The following NFIA variants were observed in gnomAD, a reference collection of about 807,000 sequenced individuals.
The protein encoded by NFIA is nuclear factor I A.
NFIA carries 8 observed loss-of-function variants against 62.8 expected under a neutral mutation model. That is an observed-to-expected ratio of 0.13 (90% confidence interval 0.07 to 0.23). NFIA has a LOEUF of 0.23. Among genes scored for constraint, NFIA ranks in the 10% least tolerant of loss-of-function variants. NFIA has a pLI of 1.00. For synonymous variants in NFIA, 235 were observed against 238.1 expected, an observed-to-expected ratio of 0.99 and a Z score of 0.12; for missense variants, 410 against 642.1, an observed-to-expected ratio of 0.64 and a Z score of 3.91.
At chr1:61,085,692 TC>T (rs1646206762) in intron 1 of NFIA, among the ~76,000 whole-genome samples, 6 of 152,238 alleles carry the variant, frequency 3.9e-5, no homozygotes, top group Admixed American at 2.6e-4. Flanking sequence ...TTAGAAAAAA[TC>T]AATACTTTAA....
chr1:61,096,168 G>A (rs899907167), intron 2 of NFIA, among the ~76,000 whole-genome samples: 3 of 152,096 alleles, frequency 2.0e-5, no homozygotes, highest in African/African-American at 7.2e-5. Context: ...AGATGGACAT[G>A]TTTCAATTTC....
intron 1 of NFIA, among the ~76,000 whole-genome samples, chr1:61,087,457 T>C (rs1252358304): frequency 6.6e-6 from 1 of 152,150 alleles, no homozygotes; most frequent in East Asian, 1.9e-4. Flanking sequence ...TCTTTTATTT[T>C]AGCCTAATAA....
chr1:61,197,362 C>T (rs1652101136), intron 2 of NFIA, among the ~76,000 whole-genome samples: 1 of 151,094 alleles, frequency 6.6e-6, no homozygotes, highest in Non-Finnish European at 1.5e-5. Context: ...CCTCAGCCTC[C>T]TGAGTAGCTG....
At chr1:61,442,829 T>TTA in intron 10 of NFIA, among the ~76,000 whole-genome samples, 1 of 152,308 alleles carries the variant, frequency 6.6e-6, no homozygotes, top group South Asian at 2.1e-4. Context: ...GCTGAGAAAC[T>TTA]TAAGATTGTA....
intron 4 of NFIA, among the ~76,000 whole-genome samples, chr1:61,341,457 A>G (rs911999908): frequency 7.2e-5 from 11 of 152,110 alleles, no homozygotes; most frequent in Non-Finnish European, 1.5e-4. Flanking sequence ...GAAGCATGCT[A>G]CAGGTCATTA....
At chr1:61,336,855 A>G (rs1661637821) in intron 4 of NFIA, among the ~76,000 whole-genome samples, 2 of 152,240 alleles carry the variant, frequency 1.3e-5, no homozygotes, top group Admixed American at 6.5e-5. Flanking sequence ...GACTACTTAC[A>G]TGGGCTGAAA....
At chr1:61,295,630 A>G (rs1056265545) in intron 3 of NFIA, among the ~76,000 whole-genome samples, 1 of 152,106 alleles carries the variant, frequency 6.6e-6, no homozygotes, top group African/African-American at 2.4e-5. Flanking sequence ...GAACAGAAAC[A>G]CTTACTAATT....
chr1:61,284,450 CTG>C (rs1439978925), intron 3 of NFIA, among the ~76,000 whole-genome samples: 1 of 152,078 alleles, frequency 6.6e-6, no homozygotes, highest in African/African-American at 2.4e-5. Context: ...GAGTCTTTCT[CTG>C]TGAAAGATGA....
At chr1:61,358,432 G>C (rs1431866160) in intron 5 of NFIA, among the ~76,000 whole-genome samples, 2 of 122,092 alleles carry the variant, frequency 1.6e-5, no homozygotes, top group Non-Finnish European at 3.2e-5. Flanking sequence ...TGTCGCCCAG[G>C]GTTGAGTGCA....
At chr1:61,177,122 G>A (rs1225893399) in intron 2 of NFIA, among the ~76,000 whole-genome samples, 1 of 151,544 alleles carries the variant, frequency 6.6e-6, no homozygotes, top group African/African-American at 2.4e-5. Flanking sequence ...AAAAAAAAAA[G>A]AGAGAGATAC....
intron 2 of NFIA, among the ~76,000 whole-genome samples, chr1:61,177,271 G>T (rs1553158352): frequency 6.6e-6 from 1 of 152,060 alleles, no homozygotes; most frequent in Non-Finnish European, 1.5e-5. Context: ...CCACATTTGG[G>T]TCTCTCTATT....
At chr1:61,179,330 TAAGAG>T (rs970734060) in intron 2 of NFIA, among the ~76,000 whole-genome samples, 4 of 152,204 alleles carry the variant, frequency 2.6e-5, no homozygotes, top group Non-Finnish European at 5.9e-5. Context: ...GGATTCCTCT[TAAGAG>T]AAGAAGGTAG....
intron 2 of NFIA, among the ~76,000 whole-genome samples, chr1:61,189,298 G>C (rs1296811892): frequency 6.6e-6 from 1 of 152,150 alleles, no homozygotes; most frequent in Non-Finnish European, 1.5e-5. Flanking sequence ...TTCTGCTTCT[G>C]TTCTGCTCTG....
At chr1:61,452,532 A>G (rs964910534) in intron 10 of NFIA, among the ~76,000 whole-genome samples, 2 of 152,112 alleles carry the variant, frequency 1.3e-5, no homozygotes, top group African/African-American at 2.4e-5. Context: ...CGGGTTATTA[A>G]AGACCCCCAA....
At chr1:61,286,384 C>T (rs1170529947) in intron 3 of NFIA, among the ~76,000 whole-genome samples, 4 of 148,504 alleles carry the variant, frequency 2.7e-5, no homozygotes, top group East Asian at 2.0e-4. Flanking sequence ...GCAGAGATTG[C>T]GCCACTGCAC....
chr1:61,201,614 G>A (rs571493328), intron 2 of NFIA, among the ~76,000 whole-genome samples: 35 of 152,138 alleles, frequency 2.3e-4, no homozygotes, highest in Non-Finnish European at 4.1e-4. Context: ...CAGTTGTGGA[G>A]AAAATATTAG....
At chr1:61,225,777 G>T (rs936990787) in intron 2 of NFIA, among the ~76,000 whole-genome samples, 2 of 151,870 alleles carry the variant, frequency 1.3e-5, no homozygotes, top group African/African-American at 4.8e-5. Flanking sequence ...TAGTATGAGA[G>T]ATTAATTTAT....
chr1:61,413,615 C>CTTT (rs869258274), intron 9 of NFIA, among the ~76,000 whole-genome samples: 1 of 68,374 alleles, frequency 1.5e-5, no homozygotes, highest in Non-Finnish European at 2.5e-5. Flanking sequence ...AAGTATTTTG[C>CTTT]TTTTTTTTTT....
At chr1:61,091,702 A>G (rs1390510943) in intron 2 of NFIA, among the ~76,000 whole-genome samples, 1 of 152,222 alleles carries the variant, frequency 6.6e-6, no homozygotes, top group Non-Finnish European at 1.5e-5. Context: ...GATCTGTATC[A>G]GAATCTACAA....
Sources: gnomAD v4.1 joint callset for allele counts (sites outside exome capture counted in the v4.1 genomes callset) on GRCh38, gnomAD v4.1.1 for gene constraint, MANE v1.5 for transcripts, NCBI Gene and HGNC (gene_info 2026-07-23, HGNC 2026-07-21) for gene names.